Variants in TFF2 observed in about 807,000 individuals in gnomAD.
The protein encoded by TFF2 is spasmolysin.
TFF2 carries 19 observed loss-of-function variants against 16.0 expected under a neutral mutation model. The ratio of observed to expected loss-of-function variants is 1.19; its 90% CI spans 0.83 to 1.74. The LOEUF is 1.74. Ranked by LOEUF, TFF2 falls within the 40% of genes most tolerant of loss-of-function variation. The pLI, the probability that TFF2 is intolerant of heterozygous loss-of-function variation, is 0.00. For synonymous variants in TFF2, 61 were observed against 65.4 expected (o/e 0.93, Z 0.32); for missense variants, 168 against 166.8 (o/e 1.01, Z -0.04).
chr21:42,347,618 C>T lies in TFF2; in HGVS notation c.244G>A (p.Val82Ile), dbSNP rs1369175980. The change falls in exon 3 of 4, where the codon GTC (valine) becomes ATC (isoleucine). Residue 82 changes from valine to isoleucine, a missense_variant. Coordinates refer to ENST00000291526, the MANE Select transcript of TFF2 (RefSeq NM_005423.5). ...TTTCTTCGGTCTGAGACCTCCATGA[C>T]GCACTGATCCGACTCTGCCATGGGA... ...PLPKQESDQC[V>I]MEVSDRRNCG... 6.2e-7 allele frequency: 1 copy of T among 1,614,134 alleles called. No homozygotes were observed. Among genetic ancestry groups the T allele is most frequent in the Non-Finnish European group, 8.5e-7 (1 of 1,180,006 alleles).
At chr21:42,349,473 CAGACTAACCAGCCTACGCTAGCCCT>C (rs1568859725) in intron 2 of TFF2, among the ~76,000 whole-genome samples, 8 of 134,950 alleles carry the variant, frequency 5.9e-5, no homozygotes, top group East Asian at 4.7e-4. Flanking sequence ...GGGCTAGCCC[CAGACTAACCAGCCTACGCTAGCCCT>C]AGACTAACCA....
At chr21:42,348,709 G>C (rs952102498) in intron 2 of TFF2, among the ~76,000 whole-genome samples, 27 of 151,164 alleles carry the variant, frequency 1.8e-4, no homozygotes, top group African/African-American at 5.9e-4. Flanking sequence ...TAACCAACCT[G>C]GGCTACCTCT....
intron 1 of TFF2, chr21:42,350,263 A>G (rs971862600): frequency 8.2e-6 from 9 of 1,096,052 alleles, no homozygotes; most frequent in African/African-American, 1.6e-5. Context: ...ATGGTGGCTC[A>G]TACCTATAAT....
chr21:42,350,203 T>C, intron 1 of TFF2, 173 bp from the exon 2 acceptor site: 1 of 1,267,666 alleles, frequency 7.9e-7, no homozygotes. Context: ...GATAGGGCTT[T>C]GCTGAAATTG....
intron 1 of TFF2, chr21:42,350,293 G>A (rs1490216535): frequency 9.4e-6 from 7 of 745,354 alleles, no homozygotes; most frequent in East Asian, 5.7e-5. Flanking sequence ...TTAGGAAGCC[G>A]AGGCGGGCAG....
chr21:42,350,756 C>T (rs2052110364), intron 1 of TFF2, 123 bp downstream of exon 1: 1 of 1,043,178 alleles, frequency 9.6e-7, no homozygotes, highest in African/African-American at 1.6e-5. Flanking sequence ...CCCATGTGAA[C>T]AACACACATT....
At chr21:42,350,198 G>A (rs1012669510) in intron 1 of TFF2, 168 bp from the exon 2 acceptor site, 99 of 1,278,430 alleles carry the variant, frequency 7.7e-5, no homozygotes, top group Middle Eastern at 3.0e-4. Flanking sequence ...AAGCCGATAG[G>A]GCTTTGCTGA....
In TFF2 at chr21:42,346,392, A is replaced by G. The variant is rs1433757602; in HGVS notation, c.*141T>C. 2.7e-6 allele frequency: 3 copies of G among 1,115,984 alleles called. No homozygotes were observed. Among genetic ancestry groups the G allele is most frequent in the Admixed American group, 2.3e-5 (1 of 44,224 alleles). 69.1% of individuals were successfully genotyped at this position (1,115,984 alleles called of 1,614,324 possible). On this transcript the variant is annotated 3_prime_UTR_variant, in exon 4 of 4. Coordinates refer to ENST00000291526, the MANE Select transcript of TFF2 (RefSeq NM_005423.5). ...TTTAAGGGTTTTATTTAAAGAAATTATATGTTAAACCATTGAAAATGAGGA... is the reference window on the plus strand; with the variant it reads ...TTTAAGGGTTTTATTTAAAGAAATTGTATGTTAAACCATTGAAAATGAGGA...
rs538954796 is a variant in TFF2, at chr21:42,347,481, G to A, written c.376+5C>T. 7 of 1,613,994 alleles carry A rather than the reference G, an allele frequency of 4.3e-6. No homozygotes were observed. Among genetic ancestry groups the A allele is most frequent in the African/African-American group, 2.7e-5 (2 of 74,918 alleles). Reference sequence around the variant, plus strand: ...ACCAGACAGAGAGTCCCACAGCGACGTTACCTTCCACAGACTTCGGGAAGA... The same window carrying A: ...ACCAGACAGAGAGTCCCACAGCGACATTACCTTCCACAGACTTCGGGAAGA... On this transcript the variant is annotated splice_donor_5th_base_variant and intron_variant, in intron 3 of 3. Transcript: ENST00000291526.
chr21:42,349,855 C>T (rs1243447741), intron 2 of TFF2, 26 bp downstream of exon 2: 1 of 1,567,338 alleles, frequency 6.4e-7, no homozygotes, highest in Non-Finnish European at 8.7e-7. Context: ...CAGCTGCTGG[C>T]CCAGGAAGAT....
At chr21:42,349,116 G>C (rs534850174) in intron 2 of TFF2, among the ~76,000 whole-genome samples, 1 of 141,384 alleles carries the variant, frequency 7.1e-6, no homozygotes, top group Non-Finnish European at 1.5e-5. Context: ...GGCTAGCTCC[G>C]ATTAACCAAC....
chr21:42,346,563 A>C lies in TFF2; in HGVS notation c.377-17T>G. The C allele has an allele frequency of 6.3e-7, 1 of 1,592,618 alleles. No individual in the cohort carries two copies. The highest frequency in any genetic ancestry group is 8.5e-7 in the Non-Finnish European group (1 of 1,173,100). The stretch of plus-strand genomic sequence containing the variant: ...AATGGCAGTCTAGAAGTTTAAATGC[A>C]AGATGGTTGGTAAGGGAACCCCAGA... On this transcript the variant is annotated splice_polypyrimidine_tract_variant and intron_variant, in intron 3 of 3. Coordinates refer to ENST00000291526, the MANE Select transcript of TFF2 (RefSeq NM_005423.5).
intron 3 of TFF2, 39 bp from the exon 4 acceptor site, chr21:42,346,585 C>T: frequency 6.3e-7 from 1 of 1,584,000 alleles, no homozygotes; most frequent in Non-Finnish European, 8.6e-7. Context: ...AAGGGAACCC[C>T]AGAAATGGGA....
intron 1 of TFF2, 35 bp from the exon 2 acceptor site, chr21:42,350,065 AC>A (rs775756558): frequency 7.6e-6 from 12 of 1,571,114 alleles, no homozygotes; most frequent in Non-Finnish European, 9.5e-6. Flanking sequence ...CCACCCTGGT[AC>A]CCCAGACCAC....
In TFF2 at chr21:42,348,970, CCAACCTGGGCTAGCTCCAGACTAAA is replaced by C. The variant is rs1480148444; in HGVS notation, c.229+886_229+910del. On this transcript the variant is annotated intron_variant, in intron 2 of 3. Coordinates refer to ENST00000291526, the MANE Select transcript of TFF2 (RefSeq NM_005423.5). ...GCAGTCCAGGCTAGTCCCAGACTAACCAACCTGGGCTAGCTCCAGACTAAACAACCTGGGCTAGCTCCAGACTAAC... is the reference window on the plus strand; with the variant it reads ...GCAGTCCAGGCTAGTCCCAGACTAACCAACCTGGGCTAGCTCCAGACTAAC... Among the ~76,000 whole-genome samples the C allele has an allele frequency of 4.6e-5, 7 of 151,912 alleles. No individual in the cohort carries two copies. The South Asian group carries it at 1.2e-3, about 27-fold the overall frequency.
Position 42,346,498 on chromosome 21 carries a change from G to A in TFF2, c.*35C>T, listed in dbSNP as rs374031608. 1.2e-6 allele frequency: 2 copies of A among 1,612,762 alleles called. No individual in the cohort carries two copies. The highest frequency in any genetic ancestry group is 2.2e-5 in the East Asian group (1 of 44,814). On this transcript the variant is annotated 3_prime_UTR_variant, in exon 4 of 4. Coordinates refer to ENST00000291526, the MANE Select transcript of TFF2 (RefSeq NM_005423.5). ...TTTCTTCTTTGGTTTCGGAACACCC[G>A]GTGAGCCAGATGCATCCTCTGGAAC...
intron 2 of TFF2, 44 bp from the exon 3 acceptor site, chr21:42,347,676 T>G: frequency 1.2e-6 from 2 of 1,604,666 alleles, no homozygotes; most frequent in Non-Finnish European, 1.7e-6. Flanking sequence ...TCAGGCCTGC[T>G]GTGCCCTGGA....
chr21:42,350,862 C>A lies in TFF2; in HGVS notation c.79+17G>T. 1.3e-6 allele frequency: 2 copies of A among 1,597,042 alleles called. No individual in the cohort carries two copies. The highest frequency in any genetic ancestry group is 1.7e-6 in the Non-Finnish European group (2 of 1,174,410). ...GAAATAAAGAAAGCACATAAAAAGACCCTCTCCTTCACTTACAGGGTTTCT... is the reference window on the plus strand; with the variant it reads ...GAAATAAAGAAAGCACATAAAAAGAACCTCTCCTTCACTTACAGGGTTTCT... On this transcript the variant is annotated intron_variant, in intron 1 of 3. Transcript: ENST00000291526.
At chr21:42,347,937 G>A (rs1049375653) in intron 2 of TFF2, among the ~76,000 whole-genome samples, 3 of 152,206 alleles carry the variant, frequency 2.0e-5, no homozygotes, top group Non-Finnish European at 2.9e-5. Context: ...CCGCCTTGGG[G>A]AAATCATTTT....
Sources: allele counts gnomAD v4.1 joint callset (sites outside exome capture counted in the v4.1 genomes callset), GRCh38; gene constraint gnomAD v4.1.1; transcripts MANE v1.5; gene names NCBI Gene and HGNC (gene_info 2026-07-23, HGNC 2026-07-21).